Variants in RAB11FIP3 observed in about 807,000 individuals in gnomAD.
RAB11FIP3 encodes rab11 family-interacting protein 3.
Under a neutral mutation model 77.8 loss-of-function variants are expected in RAB11FIP3, and 17 were observed. That is an observed-to-expected ratio of 0.22 (90% CI 0.15 to 0.33). RAB11FIP3 has a LOEUF of 0.33. Among genes scored for constraint, RAB11FIP3 ranks in the 10% least tolerant of loss-of-function variants. The pLI is 1.00. For missense variants in RAB11FIP3, 1,005 were observed against 1,011.2 expected, an observed-to-expected ratio of 0.99 and a Z score of 0.08; for synonymous variants, 437 against 448.2, an observed-to-expected ratio of 0.98 and a Z score of 0.31.
chr16:493,757 T>TGC (rs2030825070), intron 5 of RAB11FIP3, among the ~76,000 whole-genome samples: 1 of 123,976 alleles, frequency 8.1e-6, no homozygotes, highest in Non-Finnish European at 1.7e-5. Flanking sequence ...CAGGCGCCCA[T>TGC]CACCACACCT....
Position 496,833 on chromosome 16 carries a change from G to C in RAB11FIP3, c.1275G>C (p.Lys425Asn), listed in dbSNP as rs2031181376. 2 of 1,597,124 alleles carry C rather than the reference G, an allele frequency of 1.3e-6. No homozygotes were observed. The highest frequency in any genetic ancestry group is 4.5e-5 in the East Asian group (2 of 44,762). ...DPAFLTPSPT[K>N]RLSSKKVARY... The stretch of plus-strand genomic sequence containing the variant: ...TTTGTTTTCTGCACAGTCCGACAAA[G>C]CGGCTCTCCAGCAAGAAGGTGGCAA... The change falls in exon 6 of 14, where the codon AAG becomes AAC. Residue 425 changes from lysine to asparagine, a missense_variant. Physicochemically the swap from Lys to Asn is moderately conservative, Grantham distance 94. This residue lies in a region of RAB11FIP3 where 433 missense variants were observed against 436.1 expected (regional missense o/e 0.99). Coordinates refer to ENST00000262305, the MANE Select transcript of RAB11FIP3 (RefSeq NM_014700.4).
chr16:457,344 A>G (rs1049279053), intron 1 of RAB11FIP3, among the ~76,000 whole-genome samples: 2 of 152,168 alleles, frequency 1.3e-5, no homozygotes, highest in African/African-American at 4.8e-5. Flanking sequence ...CCCTGGAGCC[A>G]GTGACTGAGT....
At position 426,290 on chromosome 16, in the gene RAB11FIP3, G is replaced by A; in HGVS notation, c.284G>A (p.Gly95Asp). Reference protein sequence around the residue: ...PGPSAPPPRSGPRGQLASPDA... With the variant: ...PGPSAPPPRSDPRGQLASPDA... ...CCGTCCGCCCCGCCGCCGCGCTCCGGCCCGCGGGGGCAGCTTGCGAGCCCC... is the reference window on the plus strand; with the variant it reads ...CCGTCCGCCCCGCCGCCGCGCTCCGACCCGCGGGGGCAGCTTGCGAGCCCC... Residue 95 changes from glycine to aspartate, a missense_variant, in exon 1 of 14, where the codon GGC (glycine) becomes GAC (aspartate). Around this residue, in one of 4 missense-constraint regions of RAB11FIP3, gnomAD observed 466 missense variants for 408.3 expected, o/e 1.14. Transcript: ENST00000262305. The surrounding 1 kb of genome is among the most constrained non-coding windows in gnomAD (Gnocchi z 5.0). The A allele has an allele frequency of 8.0e-7, 1 of 1,247,954 alleles. No homozygotes were observed. The highest frequency in any genetic ancestry group is 1.0e-6 in the Non-Finnish European group (1 of 999,512). The allele number at this position is 1,247,954 out of a possible 1,614,324, so 77.3% of individuals were successfully genotyped here. A position where few individuals can be genotyped will look rare whatever the true frequency, so the allele number is the denominator to read the frequency against.
At chr16:500,909 G>A (rs1394879199) in intron 6 of RAB11FIP3, among the ~76,000 whole-genome samples, 6 of 152,016 alleles carry the variant, frequency 3.9e-5, no homozygotes, top group Non-Finnish European at 5.9e-5. Context: ...GATGGGCTCT[G>A]GGTTGCAGCT....
At position 506,212 on chromosome 16, in the gene RAB11FIP3, C is replaced by A. The variant is rs190556830; in HGVS notation, c.1499+585C>A. The stretch of plus-strand genomic sequence containing the variant: ...GGTTTGCAGACTTTTCTTAGAATAC[C>A]GTGTAATTCTCGGTGTTTTTCACAC... On this transcript the variant is annotated intron_variant, in intron 8 of 13. Transcript: ENST00000262305. This position sits in a 1 kb window ranked among gnomAD's most constrained non-coding sequence, Gnocchi z 4.5. 4.5e-4 allele frequency among the ~76,000 whole-genome samples: 69 copies of A among 152,130 alleles called. No homozygotes were observed. Among genetic ancestry groups the A allele is most frequent in the Non-Finnish European group, 8.4e-4 (57 of 68,006 alleles).
chr16:502,814 T>G, intron 6 of RAB11FIP3, 190 bp from the exon 7 acceptor site: 1 of 593,006 alleles, frequency 1.7e-6, no homozygotes, highest in Non-Finnish European at 2.9e-6. Context: ...CTGGTAAAGA[T>G]GTCCAGCCTG....
At position 492,051 on chromosome 16, in the gene RAB11FIP3, A is replaced by G. The variant is rs1209321713; in HGVS notation, c.1265+3051A>G. On this transcript the variant is annotated intron_variant, in intron 5 of 13. Coordinates refer to ENST00000262305, the MANE Select transcript of RAB11FIP3 (RefSeq NM_014700.4). ...TGACGGTTCTAGCATGTTTAGAGGT[A>G]TCTGTGAAACTGCTTACCTGTCTTG... Among the ~76,000 whole-genome samples the G allele has an allele frequency of 3.3e-5, 5 of 152,176 alleles. No homozygotes were observed. In the East Asian group the frequency reaches 9.6e-4, roughly 29 times the overall value.
intron 4 of RAB11FIP3, among the ~76,000 whole-genome samples, chr16:486,832 G>A (rs901344405): frequency 2.0e-5 from 3 of 152,184 alleles, no homozygotes; most frequent in African/African-American, 7.2e-5. Flanking sequence ...CCGGGGAGGC[G>A]GGGAAGGGCC....
chr16:479,033 T>C (rs1328601531), intron 3 of RAB11FIP3, among the ~76,000 whole-genome samples: 1 of 152,202 alleles, frequency 6.6e-6, no homozygotes, highest in Non-Finnish European at 1.5e-5. Flanking sequence ...TTGTGTTCAT[T>C]TGTATGATCC....
intron 6 of RAB11FIP3, among the ~76,000 whole-genome samples, chr16:499,348 G>C (rs1392984583): frequency 6.6e-6 from 1 of 152,204 alleles, no homozygotes; most frequent in Non-Finnish European, 1.5e-5. Flanking sequence ...GCTGCAGCTG[G>C]TGACATGAAA....
chr16:491,174 G>A, intron 5 of RAB11FIP3: 2 of 1,304,288 alleles, frequency 1.5e-6, no homozygotes, highest in Non-Finnish European at 1.0e-6. Context: ...CATCCTCACT[G>A]ATGAGGCGTT....
intron 1 of RAB11FIP3, among the ~76,000 whole-genome samples, chr16:437,355 G>C (rs961318874): frequency 6.6e-6 from 1 of 151,916 alleles, no homozygotes; most frequent in African/African-American, 2.4e-5. Flanking sequence ...GATCACCTGA[G>C]GTCAGGATTT....
chr16:486,649 C>G (rs183264726), intron 4 of RAB11FIP3, among the ~76,000 whole-genome samples: 229 of 152,350 alleles, frequency 1.5e-3, no homozygotes, highest in Middle Eastern at 6.8e-3. Context: ...CATACAGTCT[C>G]TGCCGTGTGG....
At chr16:487,279 C>T (rs1323361402) in intron 4 of RAB11FIP3, among the ~76,000 whole-genome samples, 3 of 152,212 alleles carry the variant, frequency 2.0e-5, no homozygotes, top group African/African-American at 4.8e-5. Context: ...TACAGGCACC[C>T]GCCACCACCC....
intron 5 of RAB11FIP3, chr16:491,384 A>G: frequency 8.8e-7 from 1 of 1,141,716 alleles, no homozygotes; most frequent in Non-Finnish European, 1.1e-6. Flanking sequence ...AGGCAGCGGG[A>G]CTCTCCCTGG....
Position 472,705 on chromosome 16 carries a change from C to CAT in RAB11FIP3, c.903+1317_903+1318dup, listed in dbSNP as rs1221840884. ...TGTTCCCCTCTCATGTTTGTTAGGG[C>CAT]ATTGTTGATTGTTTATATCCTATGT... On this transcript the variant is annotated intron_variant, in intron 3 of 13. Coordinates refer to ENST00000262305, the MANE Select transcript of RAB11FIP3 (RefSeq NM_014700.4). The surrounding 1 kb of genome is among the most constrained non-coding windows in gnomAD (Gnocchi z 4.1). Among the ~76,000 whole-genome samples the CAT allele has an allele frequency of 2.6e-5, 4 of 152,174 alleles. No homozygotes were observed. Among genetic ancestry groups the CAT allele is most frequent in the African/African-American group, 9.7e-5 (4 of 41,448 alleles).
intron 3 of RAB11FIP3, among the ~76,000 whole-genome samples, chr16:473,603 T>G (rs1286098455): frequency 1.0e-5 from 1 of 100,046 alleles, no homozygotes; most frequent in Non-Finnish European, 2.3e-5. Context: ...CCCAGCTGAT[T>G]TTTTGTATTT....
intron 1 of RAB11FIP3, among the ~76,000 whole-genome samples, chr16:456,407 C>T (rs57958256): frequency 0.026 from 3,867 of 149,942 alleles, 179 homozygotes; most frequent in African/African-American, 0.09. Flanking sequence ...GCCACTGCAC[C>T]CTAGCCTGAG....
Position 506,862 on chromosome 16 carries a change from G to A in RAB11FIP3, c.1499+1235G>A, listed in dbSNP as rs1028066547. Among the ~76,000 whole-genome samples the A allele has an allele frequency of 2.0e-5, 3 of 152,208 alleles. No homozygotes were observed. Among genetic ancestry groups the A allele is most frequent in the African/African-American group, 7.2e-5 (3 of 41,444 alleles). ...GAGTGGAGAGGGGCCAGGCATGCTG[G>A]TGAAGGGGCTGGACTCCCGTAGTGC... is the stretch of plus-strand genomic sequence containing the variant. On this transcript the variant is annotated intron_variant, in intron 8 of 13. Coordinates refer to ENST00000262305, the MANE Select transcript of RAB11FIP3 (RefSeq NM_014700.4). The surrounding 1 kb of genome is among the most constrained non-coding windows in gnomAD (Gnocchi z 4.5).
Sources: gnomAD v4.1 joint callset for allele counts (sites outside exome capture counted in the v4.1 genomes callset) on GRCh38, gnomAD v4.1.1 for gene constraint, gnomAD v4.1.1 regional missense constraint, Gnocchi (gnomAD v3.1) non-coding constraint, MANE v1.5 for transcripts, NCBI Gene and HGNC (gene_info 2026-07-23, HGNC 2026-07-21) for gene names.